FAM120A: variants seen among roughly 807,000 people sequenced by gnomAD.
FAM120A encodes the protein family with sequence similarity 120 member A.
In FAM120A, 15 loss-of-function variants were observed where a neutral mutation model predicts 109.7. That is an observed-to-expected ratio of 0.14 (90% CI 0.09 to 0.21). The LOEUF (loss-of-function observed/expected upper bound fraction) is 0.21, where lower values mean the gene tolerates loss of function less well. Ranked by LOEUF, FAM120A falls within the 10% of genes least tolerant of loss-of-function variation. FAM120A has a pLI of 1.00. For missense variants in FAM120A, 899 were observed against 1,439.3 expected, an observed-to-expected ratio of 0.62 and a Z score of 6.07; for synonymous variants, 493 against 572.8, an observed-to-expected ratio of 0.86 and a Z score of 1.99.
chr9:93,462,947 G>A (rs1418729354), intron 1 of FAM120A, among the ~76,000 whole-genome samples: 1 of 152,130 alleles, frequency 6.6e-6, no homozygotes, highest in African/African-American at 2.4e-5. Flanking sequence ...GTGGACACTT[G>A]GGTTTCATCC....
intron 1 of FAM120A, among the ~76,000 whole-genome samples, chr9:93,467,257 C>CT (rs1288127789): frequency 1.1e-5 from 1 of 90,054 alleles, no homozygotes; most frequent in African/African-American, 3.4e-5. Flanking sequence ...CCCCCCCCCC[C>CT]CTTTTCCCCC....
chr9:93,538,455 G>A (rs758704172), intron 10 of FAM120A, among the ~76,000 whole-genome samples: 21 of 152,026 alleles, frequency 1.4e-4, no homozygotes, highest in Non-Finnish European at 2.8e-4. Flanking sequence ...GGTTTTTGTT[G>A]TTGTTTATGG....
chr9:93,533,506 T>C (rs966538503), intron 10 of FAM120A, among the ~76,000 whole-genome samples: 7 of 152,228 alleles, frequency 4.6e-5, no homozygotes, highest in Non-Finnish European at 1.0e-4. Context: ...GGAGATACCA[T>C]GTGGAACAAT....
At chr9:93,511,704 G>A (rs1214612986) in intron 5 of FAM120A, among the ~76,000 whole-genome samples, 4 of 152,226 alleles carry the variant, frequency 2.6e-5, no homozygotes, top group African/African-American at 9.6e-5. Context: ...AAAGGTGGTA[G>A]GGATTATATT....
Position 93,498,931 on chromosome 9 carries a change from C to A in FAM120A, c.1030+45C>A, listed in dbSNP as rs772433533. ...TGATCAATATTGACCATATGATAAT[C>A]CAAGTAGGTTTAAATATTCACCATA... On this transcript the variant is annotated intron_variant, in intron 5 of 17. Transcript: ENST00000277165. The surrounding 1 kb of genome is among the most constrained non-coding windows in gnomAD (Gnocchi z 4.4). 3 of 1,116,200 alleles carry A rather than the reference C, an allele frequency of 2.7e-6. No homozygotes were observed. The highest frequency in any genetic ancestry group is 2.5e-5 in the South Asian group (2 of 79,742). The allele number at this position is 1,116,200 out of a possible 1,614,324, so 69.1% of individuals were successfully genotyped here. A position where few individuals can be genotyped will look rare whatever the true frequency, so the allele number is the denominator to read the frequency against.
At chr9:93,457,267 G>T (rs991382459) in intron 1 of FAM120A, among the ~76,000 whole-genome samples, 1 of 152,256 alleles carries the variant, frequency 6.6e-6, no homozygotes, top group Middle Eastern at 3.4e-3. Context: ...TCAGAAGTAG[G>T]ATTGCTGGGT....
chr9:93,536,467 T>G (rs1861520237), intron 10 of FAM120A, among the ~76,000 whole-genome samples: 2 of 152,356 alleles, frequency 1.3e-5, no homozygotes, highest in Admixed American at 1.3e-4. Context: ...CTGTTAATGG[T>G]CACTGTAACA....
intron 4 of FAM120A, 22 bp downstream of exon 4, chr9:93,497,621 A>G (rs779733953): frequency 6.3e-7 from 1 of 1,591,106 alleles, no homozygotes; most frequent in South Asian, 1.1e-5. Flanking sequence ...AACAAACAAA[A>G]CAAAAAAACA....
chr9:93,555,228 C>T (rs944673710), intron 12 of FAM120A, among the ~76,000 whole-genome samples: 2 of 152,124 alleles, frequency 1.3e-5, no homozygotes, highest in African/African-American at 4.8e-5. Flanking sequence ...AAAGGAGGAG[C>T]TGGTGATGTA....
rs117107227 is a variant in FAM120A, at chr9:93,526,708, C to G, written c.1419-447C>G. Among the ~76,000 whole-genome samples the G allele has an allele frequency of 9.0e-3, 1,375 of 152,310 alleles. 9 individuals carry two copies. The highest frequency in any genetic ancestry group is 0.014 in the Admixed American group (213 of 15,312). On this transcript the variant is annotated intron_variant, in intron 7 of 17. Transcript: ENST00000277165. ...CTCCACATGAATAGGCTGGAGCGCC[C>G]TGTGTGGTGTATTGTCGCCTTACAT...
At chr9:93,510,548 G>A (rs1222117990) in intron 5 of FAM120A, among the ~76,000 whole-genome samples, 2 of 152,182 alleles carry the variant, frequency 1.3e-5, no homozygotes, top group Non-Finnish European at 2.9e-5. Flanking sequence ...ACCCACAAAT[G>A]GACAGAAACT....
At chr9:93,540,851 A>ATT (rs576989909) in intron 10 of FAM120A, among the ~76,000 whole-genome samples, 14 of 151,938 alleles carry the variant, frequency 9.2e-5, no homozygotes, top group African/African-American at 3.1e-4. Context: ...TCTACCAATA[A>ATT]TTTTTTTTTA....
At chr9:93,562,748 T>G (rs558981993) in intron 17 of FAM120A, among the ~76,000 whole-genome samples, 1 of 143,566 alleles carries the variant, frequency 7.0e-6, no homozygotes, top group South Asian at 2.4e-4. Flanking sequence ...CACTGCAACC[T>G]CCACTTCCCG....
intron 17 of FAM120A, among the ~76,000 whole-genome samples, chr9:93,562,819 G>A (rs1337479671): frequency 6.6e-6 from 1 of 151,822 alleles, no homozygotes; most frequent in South Asian, 2.1e-4. Context: ...TGTGTGCCAC[G>A]ACACTCGGCT....
Position 93,549,344 on chromosome 9 carries a change from T to C in FAM120A, c.2160-1233T>C, listed in dbSNP as rs555872363. ...TGCTTCAGTTTCCCCTTCTCTAAAT[T>C]GGGATAATTATTGTTCCTGTCTCAG... On this transcript the variant is annotated intron_variant, in intron 11 of 17. Transcript: ENST00000277165. 3.3e-5 allele frequency among the ~76,000 whole-genome samples: 5 copies of C among 152,358 alleles called. No homozygotes were observed. In the South Asian group the frequency reaches 1.0e-3, roughly 32 times the overall value.
rs944610634 is a variant in FAM120A at position 93,527,191 on chromosome 9, G to A, written c.1455G>A (p.Thr485=). ...ISGNKIGWEK[T]GSHSEPQARG... The stretch of plus-strand genomic sequence containing the variant: ...GGAACAAGATTGGCTGGGAGAAGAC[G>A]GGAAGCCACTCAGAGCCTCAGGCAC... The change falls in exon 8 of 18, where the codon ACG becomes ACA. Residue 485 remains threonine, a synonymous_variant. Transcript: ENST00000277165. 39 of 1,613,898 alleles carry A rather than the reference G, an allele frequency of 2.4e-5. No homozygotes were observed. The highest frequency in any genetic ancestry group is 1.6e-4 in the Middle Eastern group (1 of 6,084).
chr9:93,558,551 T>TCC, intron 14 of FAM120A, 30 bp from the exon 15 acceptor site: 1 of 1,612,616 alleles, frequency 6.2e-7, no homozygotes, highest in Non-Finnish European at 8.5e-7. Flanking sequence ...CTTACACTTC[T>TCC]CCCCTCTCTC....
At position 93,565,521 on chromosome 9, in the gene FAM120A, GATT is replaced by G. The variant is rs1862603183; in HGVS notation, c.*985_*987del. ...TCTTGCTCTAACCTTAAAATTTTGT[GATT>G]ATTGACCTCTGTTGCATTTATTCTA... On this transcript the variant is annotated 3_prime_UTR_variant, in exon 18 of 18. Coordinates refer to ENST00000277165, the MANE Select transcript of FAM120A (RefSeq NM_014612.5). 6.6e-6 allele frequency: 1 copy of G among 152,334 alleles called. No individual in the cohort carries two copies. The highest frequency in any genetic ancestry group is 1.5e-5 in the Non-Finnish European group (1 of 68,002). 9.4% of individuals were successfully genotyped at this position (152,334 alleles called of 1,614,324 possible).
rs375834512 is a variant in FAM120A at position 93,527,207 on chromosome 9, C to T, written c.1471C>T (p.Pro491Ser). The T allele has an allele frequency of 4.3e-6, 7 of 1,613,998 alleles. No individual in the cohort carries two copies. In the African/African-American group the frequency reaches 8.0e-5, roughly 18 times the overall value. ...GWEKTGSHSEPQARGDPGDQT... is the reference protein window; with the variant it reads ...GWEKTGSHSESQARGDPGDQT... ...GGAGAAGACGGGAAGCCACTCAGAGCCTCAGGCACGAGGAGACCCAGGAGA... is the reference window on the plus strand; with the variant it reads ...GGAGAAGACGGGAAGCCACTCAGAGTCTCAGGCACGAGGAGACCCAGGAGA... Residue 491 changes from proline to serine, a missense_variant, in exon 8 of 18, where the codon CCT (proline) becomes TCT (serine). By Grantham distance (74) the Pro-to-Ser change is moderately conservative. Transcript: ENST00000277165.
Sources: gnomAD v4.1 joint callset for allele counts (sites outside exome capture counted in the v4.1 genomes callset) on GRCh38, gnomAD v4.1.1 for gene constraint, Gnocchi (gnomAD v3.1) non-coding constraint, MANE v1.5 for transcripts, NCBI Gene and HGNC (gene_info 2026-07-23, HGNC 2026-07-21) for gene names.